Variants in PCNT observed in about 807,000 individuals in gnomAD.
The protein encoded by PCNT is pericentrin.
A neutral mutation model predicts 380.4 loss-of-function variants in PCNT; 319 were observed. The ratio of observed to expected loss-of-function variants is 0.84; its 90% CI spans 0.77 to 0.92. The LOEUF is 0.92. Ranked by LOEUF, PCNT falls within the 40% of genes least tolerant of loss-of-function variation. The pLI, the probability that PCNT is intolerant of heterozygous loss-of-function variation, is 0.00. For missense variants in PCNT, 4,400 were observed against 4,255.3 expected, an observed-to-expected ratio of 1.03 and a Z score of -0.95; for synonymous variants, 1,845 against 1,735.2, an observed-to-expected ratio of 1.06 and a Z score of -1.57.
chr21:46,366,543 G>A, intron 14 of PCNT, 41 bp from the exon 15 acceptor site: 1 of 1,545,992 alleles, frequency 6.5e-7, no homozygotes, highest in South Asian at 1.1e-5. Context: ...ATTGCTTCCT[G>A]ATGCATGTTT....
In PCNT at chr21:46,438,275, A is replaced by G. The variant is rs886057194; in HGVS notation, c.9211A>G (p.Arg3071Gly). 3 of 1,614,220 alleles carry G rather than the reference A, an allele frequency of 1.9e-6. No homozygotes were observed. Among genetic ancestry groups the G allele is most frequent in the Non-Finnish European group, 2.5e-6 (3 of 1,180,016 alleles). Residue 3071 changes from arginine (R) to glycine (G), a missense_variant, in exon 41 of 47, where the codon AGA becomes GGA. Physicochemically the swap from Arg to Gly is moderately radical, Grantham distance 125 (BLOSUM62 -2). Transcript: ENST00000359568. ...GACCCAGGAGAAGCTGGAGCTGAGC[A>G]GAGCCGTGTCTAAGCTTGAGAAGTT... is the stretch of plus-strand genomic sequence containing the variant. ...TVTQEKLELS[R>G]AVSKLEKLLK...
chr21:46,326,409 T>C lies in PCNT; in HGVS notation c.87T>C (p.Gly29=). 1 of 1,614,222 alleles carries C rather than the reference T, an allele frequency of 6.2e-7. No homozygotes were observed. Among genetic ancestry groups the C allele is most frequent in the Non-Finnish European group, 8.5e-7 (1 of 1,180,040 alleles). ...ACTTCCGACAGAGAAAAACAAAAGG[T>C]GACAGTTCGCATTCGGAGAAAAAGA... The part of the protein sequence containing the change: ...LAHFRQRKTK[G]DSSHSEKKTA... Residue 29 remains glycine (G), a synonymous_variant, in exon 2 of 47, where the codon GGT becomes GGC. Transcript: ENST00000359568.
chr21:46,389,658 G>A (rs981269525), intron 19 of PCNT, among the ~76,000 whole-genome samples: 4 of 152,240 alleles, frequency 2.6e-5, no homozygotes, highest in Non-Finnish European at 5.9e-5. Flanking sequence ...TTCATGCACT[G>A]TTGCAATTCC....
At chr21:46,346,266 A>C in intron 4 of PCNT, 58 bp downstream of exon 4, 21 of 967,674 alleles carry the variant, frequency 2.2e-5, no homozygotes, top group Non-Finnish European at 3.3e-5. Context: ...CCCACAGGGC[A>C]CAGTGGGCAT....
rs2086768104 is a variant in PCNT, at chr21:46,411,038, C to T, written c.5116-151C>T. 17 of 800,666 alleles carry T rather than the reference C, an allele frequency of 2.1e-5. No individual in the cohort carries two copies. The Middle Eastern group carries it at 2.1e-3, about 97-fold the overall frequency. 49.6% of individuals were successfully genotyped at this position (800,666 alleles called of 1,614,324 possible). A position where few individuals can be genotyped will look rare whatever the true frequency, so the allele number is the denominator to read the frequency against. ...AGCCAAGGTGGGTGTGGAGTGCATC[C>T]GGCACCAGCAGTTTGCTTCTATGGC... On this transcript the variant is annotated intron_variant, in intron 27 of 46. Transcript: ENST00000359568.
In PCNT at chr21:46,432,153, GCCAGGCAGAGC is replaced by G; in HGVS notation, c.8694_8704del (p.Arg2898SerfsTer26). On this transcript the variant is annotated frameshift_variant, in exon 38 of 47. Coordinates refer to ENST00000359568, the MANE Select transcript of PCNT (RefSeq NM_006031.6). LOFTEE classifies it high-confidence loss of function. ...CAAGGCTGCGAGGAGGAGCGCGGAG[GCCAGGCAGAGC>G]CCAGCGGCTGCGGAGCAGTGGAGGA... The G allele has an allele frequency of 6.2e-7, 1 of 1,613,708 alleles. No individual in the cohort carries two copies.
At chr21:46,429,574 C>T (rs933474737) in intron 35 of PCNT, among the ~76,000 whole-genome samples, 12 of 152,158 alleles carry the variant, frequency 7.9e-5, no homozygotes, top group African/African-American at 1.9e-4. Flanking sequence ...TGCTGGGTAG[C>T]GCCAGCCCCA....
Position 46,364,731 on chromosome 21 carries a change from T to A in PCNT, c.2609+797T>A, listed in dbSNP as rs1312444972. Among the ~76,000 whole-genome samples, 3 of 152,234 alleles carry A rather than the reference T, an allele frequency of 2.0e-5. No homozygotes were observed. The East Asian group carries it at 5.8e-4, about 29-fold the overall frequency. On this transcript the variant is annotated intron_variant, in intron 14 of 46. Coordinates refer to ENST00000359568, the MANE Select transcript of PCNT (RefSeq NM_006031.6). ...CAGGGCTGTGCCGTTCTTTCTCATCTGTCTGCCCCACCCAGCCCTTCCCCA... is the reference window on the plus strand; with the variant it reads ...CAGGGCTGTGCCGTTCTTTCTCATCAGTCTGCCCCACCCAGCCCTTCCCCA...
chr21:46,440,812 C>T lies in PCNT; in HGVS notation c.9394-43C>T, dbSNP rs755922405. The T allele has an allele frequency of 4.2e-6, 5 of 1,198,186 alleles. No homozygotes were observed. The African/African-American group carries it at 4.5e-5, about 11-fold the overall frequency. 74.2% of individuals were successfully genotyped at this position (1,198,186 alleles called of 1,614,324 possible). ...AATGTGCTTTTGTCAGCAAGACAGTCTTTGTTTCCTATGATAAAATTTTAC... is the reference window on the plus strand; with the variant it reads ...AATGTGCTTTTGTCAGCAAGACAGTTTTTGTTTCCTATGATAAAATTTTAC... On this transcript the variant is annotated intron_variant, in intron 42 of 46. Coordinates refer to ENST00000359568, the MANE Select transcript of PCNT (RefSeq NM_006031.6).
At position 46,360,643 on chromosome 21, in the gene PCNT, C is replaced by T. The variant is rs989206009; in HGVS notation, c.2155-2837C>T. ...ACGCCATTCTCCTGCCTCAGCCTCC[C>T]GAGTAGCTGGGACTACAGGCGTCCG... On this transcript the variant is annotated intron_variant, in intron 13 of 46. Coordinates refer to ENST00000359568, the MANE Select transcript of PCNT (RefSeq NM_006031.6). Among the ~76,000 whole-genome samples the T allele has an allele frequency of 4.6e-5, 7 of 151,870 alleles. No homozygotes were observed. In the South Asian group the frequency reaches 8.3e-4, roughly 18 times the overall value.
intron 27 of PCNT, among the ~76,000 whole-genome samples, chr21:46,408,536 G>A (rs2086686676): frequency 6.6e-6 from 1 of 152,072 alleles, no homozygotes; most frequent in Admixed American, 6.6e-5. Context: ...TGAGTGTTCC[G>A]GGTAACCACG....
At chr21:46,426,075 T>A in intron 33 of PCNT, 104 bp downstream of exon 33, 1 of 796,110 alleles carries the variant, frequency 1.3e-6, no homozygotes, top group Middle Eastern at 4.0e-4. Context: ...CTTTCTTTTT[T>A]TTTTTTTTTT....
chr21:46,340,738 C>T (rs1180880107), intron 3 of PCNT, among the ~76,000 whole-genome samples: 2 of 151,850 alleles, frequency 1.3e-5, no homozygotes, highest in East Asian at 1.9e-4. Flanking sequence ...GGTGTGATCT[C>T]GGCTCACTGC....
intron 38 of PCNT, among the ~76,000 whole-genome samples, chr21:46,433,237 G>T (rs1340928862): frequency 6.6e-6 from 1 of 152,172 alleles, no homozygotes; most frequent in Non-Finnish European, 1.5e-5. Context: ...CAAAAAATTA[G>T]CCGGGCATGG....
Position 46,428,582 on chromosome 21 carries a change from G to A in PCNT, c.7682G>A (p.Arg2561His), listed in dbSNP as rs761765918. Residue 2561 changes from arginine (R) to histidine (H), a missense_variant, in exon 35 of 47, where the codon CGC (arginine) becomes CAC (histidine). Arg to His is a conservative substitution (Grantham distance 29). Coordinates refer to ENST00000359568, the MANE Select transcript of PCNT (RefSeq NM_006031.6). ...GGGAGCCAGCAGGAGCACCAGCTGC[G>A]CAGGCAGGGTGGGTGTCACTGTCTA... ...ARGSQQEHQL[R>H]RQVELLAYKV... 2.2e-5 allele frequency: 35 copies of A among 1,597,534 alleles called. No homozygotes were observed. The highest frequency in any genetic ancestry group is 2.1e-4 in the Middle Eastern group (1 of 4,824).
At position 46,349,011 on chromosome 21, in the gene PCNT, G is replaced by T. The variant is rs773833945; in HGVS notation, c.1033-1G>T. 1 of 1,553,686 alleles carries T rather than the reference G, an allele frequency of 6.4e-7. No homozygotes were observed. The highest frequency in any genetic ancestry group is 1.1e-5 in the South Asian group (1 of 89,454). ...TTTAATTTTTTTTTCTTTTAAATTA[G>T]ACCCTGAAGGAAGATTGGGAATCTG... On this transcript the variant is annotated splice_acceptor_variant, in intron 6 of 46. Transcript: ENST00000359568. LOFTEE classifies it high-confidence loss of function.
chr21:46,370,774 G>A lies in PCNT; in HGVS notation c.3165+3635G>A, dbSNP rs1489850125. ...AAATCGGCCGGGCGCGGTGGCTCACGCCTGTAATCCCAGCACTTTGGGAGG... is the reference window on the plus strand; with the variant it reads ...AAATCGGCCGGGCGCGGTGGCTCACACCTGTAATCCCAGCACTTTGGGAGG... On this transcript the variant is annotated intron_variant, in intron 15 of 46. Coordinates refer to ENST00000359568, the MANE Select transcript of PCNT (RefSeq NM_006031.6). 2.6e-5 allele frequency among the ~76,000 whole-genome samples: 4 copies of A among 152,188 alleles called. 1 individual carries two copies. The highest frequency in any genetic ancestry group is 4.1e-4 in the South Asian group (2 of 4,826).
At chr21:46,441,543 C>T (rs147816259) in intron 43 of PCNT, among the ~76,000 whole-genome samples, 3 of 152,290 alleles carry the variant, frequency 2.0e-5, no homozygotes, top group Non-Finnish European at 2.9e-5. Context: ...TCAGTCATCG[C>T]GGCTGCAGGC....
intron 25 of PCNT, 88 bp downstream of exon 25, chr21:46,399,884 G>C: frequency 8.7e-7 from 1 of 1,155,886 alleles, no homozygotes; most frequent in Non-Finnish European, 1.3e-6. Flanking sequence ...AGTGGGCAGG[G>C]CGTCCTTCTT....
Sources: allele counts gnomAD v4.1 joint callset (sites outside exome capture counted in the v4.1 genomes callset), GRCh38; gene constraint gnomAD v4.1.1; transcripts MANE v1.5; gene names NCBI Gene and HGNC (gene_info 2026-07-23, HGNC 2026-07-21).